Variants in PNPLA8 observed in about 807,000 individuals in gnomAD.
The protein encoded by PNPLA8 is patatin like domain 8, phospholipase A2, also known as calcium-independent phospholipase A2-gamma.
A neutral mutation model predicts 76.9 loss-of-function variants in PNPLA8; 39 were observed. The observed-to-expected ratio is 0.51, with a 90% confidence interval of 0.39 to 0.66. The LOEUF (loss-of-function observed/expected upper bound fraction) is 0.66, where lower values mean the gene tolerates loss of function less well. Ranked by LOEUF, PNPLA8 falls within the 30% of genes least tolerant of loss-of-function variation. The pLI, the probability that PNPLA8 is intolerant of heterozygous loss-of-function variation, is 0.00. For missense variants in PNPLA8, 887 were observed against 918.0 expected (o/e 0.97, Z 0.44); for synonymous variants, 301 against 307.9 (o/e 0.98, Z 0.24).
chr7:108,510,140 C>T, intron 4 of PNPLA8: 2 of 609,008 alleles, frequency 3.3e-6, no homozygotes, highest in Non-Finnish European at 5.5e-6. Flanking sequence ...AACTAACCTG[C>T]ACAATGTGCA....
intron 1 of PNPLA8, among the ~76,000 whole-genome samples, chr7:108,522,300 A>C (rs1484292274): frequency 6.6e-6 from 1 of 150,726 alleles, no homozygotes; most frequent in African/African-American, 2.5e-5. Context: ...TCTCAAAAAA[A>C]AAAACAAAAA....
chr7:108,497,614 T>A, intron 5 of PNPLA8, 37 bp from the exon 6 acceptor site: 2 of 1,238,288 alleles, frequency 1.6e-6, no homozygotes, highest in Non-Finnish European at 2.3e-6. Context: ...ACAATTCCTG[T>A]TTAAAGAAAA....
chr7:108,496,030 A>G (rs1861522595), intron 7 of PNPLA8, among the ~76,000 whole-genome samples: 1 of 152,078 alleles, frequency 6.6e-6, no homozygotes, highest in African/African-American at 2.4e-5. Flanking sequence ...CAATCACTTG[A>G]GGTTAGGAGC....
chr7:108,512,393 T>TA (rs1862998859), intron 4 of PNPLA8, among the ~76,000 whole-genome samples: 1 of 152,104 alleles, frequency 6.6e-6, no homozygotes, highest in African/African-American at 2.4e-5. Flanking sequence ...TCTTTTTAAT[T>TA]AAAAAACATA....
At chr7:108,518,744 T>TACACAC (rs1219197816) in intron 2 of PNPLA8, among the ~76,000 whole-genome samples, 3 of 78,824 alleles carry the variant, frequency 3.8e-5, no homozygotes, top group Non-Finnish European at 7.8e-5. Context: ...TATATATATA[T>TACACAC]ATATATATAT....
rs774129321 is a variant in PNPLA8, at chr7:108,496,568, AGTAATT to A, written c.1625+10_1625+15del. ...CTATATAATCAGAAGATTTAAAAAG[AGTAATT>A]GTAACTTACTTAAGAATGTTTTCCC... On this transcript the variant is annotated intron_variant, in intron 7 of 10. Coordinates refer to ENST00000257694, the MANE Select transcript of PNPLA8 (RefSeq NM_001256007.3). 5.6e-5 allele frequency: 87 copies of A among 1,545,864 alleles called. 1 individual carries two copies. The South Asian group carries it at 9.0e-4, about 16-fold the overall frequency.
chr7:108,474,099 A>G (rs1211387260), intron 10 of PNPLA8, among the ~76,000 whole-genome samples: 1 of 152,160 alleles, frequency 6.6e-6, no homozygotes, highest in Non-Finnish European at 1.5e-5. Flanking sequence ...TGTTTTATCA[A>G]TATTTTAGTG....
intron 5 of PNPLA8, among the ~76,000 whole-genome samples, chr7:108,500,151 G>T (rs1369739141): frequency 6.6e-6 from 1 of 152,066 alleles, no homozygotes; most frequent in Non-Finnish European, 1.5e-5. Flanking sequence ...AACATAGTAG[G>T]CCCCCAATAT....
chr7:108,478,610 T>C (rs997240626), intron 10 of PNPLA8, among the ~76,000 whole-genome samples: 8 of 152,144 alleles, frequency 5.3e-5, no homozygotes, highest in African/African-American at 1.4e-4. Context: ...CAGGCTGGTC[T>C]CAAACTCCTG....
At chr7:108,517,486 A>T (rs1863424208) in intron 2 of PNPLA8, among the ~76,000 whole-genome samples, 1 of 152,242 alleles carries the variant, frequency 6.6e-6, no homozygotes, top group South Asian at 2.1e-4. Flanking sequence ...TAATTGCCAA[A>T]ATTTCAAAAC....
chr7:108,477,396 C>T (rs977048210), intron 10 of PNPLA8, among the ~76,000 whole-genome samples: 3 of 152,002 alleles, frequency 2.0e-5, no homozygotes, highest in Non-Finnish European at 4.4e-5. Flanking sequence ...GAATAAAAGT[C>T]CTCAGTGGGG....
intron 4 of PNPLA8, chr7:108,510,776 G>A: frequency 6.2e-7 from 1 of 1,601,504 alleles, no homozygotes; most frequent in East Asian, 2.2e-5. Context: ...TGGTAAATAT[G>A]GCATCATCTG....
At chr7:108,493,244 G>A (rs746419685) in intron 7 of PNPLA8, among the ~76,000 whole-genome samples, 157 of 152,136 alleles carry the variant, frequency 1.0e-3, no homozygotes, top group Non-Finnish European at 1.9e-3. Flanking sequence ...GAAGTTGCCA[G>A]AAGAGCAAAA....
intron 2 of PNPLA8, among the ~76,000 whole-genome samples, chr7:108,517,215 ATATC>A (rs1183000742): frequency 1.3e-4 from 20 of 152,224 alleles, no homozygotes; most frequent in African/African-American, 4.8e-4. Flanking sequence ...ATACTACTAC[ATATC>A]TATTAGAATG....
At chr7:108,483,414 G>A (rs1362877665) in intron 9 of PNPLA8, among the ~76,000 whole-genome samples, 1 of 152,164 alleles carries the variant, frequency 6.6e-6, no homozygotes, top group Admixed American at 6.5e-5. Context: ...TGGGTGGTTT[G>A]TTGCCACATT....
chr7:108,499,331 A>C (rs1861783266), intron 5 of PNPLA8, among the ~76,000 whole-genome samples: 1 of 152,184 alleles, frequency 6.6e-6, no homozygotes, highest in Admixed American at 6.5e-5. Flanking sequence ...TGTACTCATA[A>C]ATTCCGAATG....
At chr7:108,507,090 C>A (rs1263064446) in intron 4 of PNPLA8, among the ~76,000 whole-genome samples, 1 of 151,954 alleles carries the variant, frequency 6.6e-6, no homozygotes, top group Non-Finnish European at 1.5e-5. Context: ...CGCCTGTAAT[C>A]CCAGCACTTT....
At chr7:108,499,119 T>C (rs530849467) in intron 5 of PNPLA8, among the ~76,000 whole-genome samples, 2 of 152,252 alleles carry the variant, frequency 1.3e-5, no homozygotes, top group South Asian at 4.1e-4. Flanking sequence ...CTGGATAAAA[T>C]ATATTTAACA....
At chr7:108,486,792 G>A (rs747927502) in intron 9 of PNPLA8, among the ~76,000 whole-genome samples, 5 of 152,026 alleles carry the variant, frequency 3.3e-5, no homozygotes, top group Non-Finnish European at 5.9e-5. Flanking sequence ...ATCTATGTAT[G>A]AGTTTTTGAA....
Sources: allele counts gnomAD v4.1 joint callset (sites outside exome capture counted in the v4.1 genomes callset), GRCh38; gene constraint gnomAD v4.1.1; transcripts MANE v1.5; gene names NCBI Gene and HGNC (gene_info 2026-07-23, HGNC 2026-07-21).